Variants in CPEB1 observed in about 807,000 individuals in gnomAD.
CPEB1 encodes the protein cytoplasmic polyadenylation element-binding protein 1.
Under a neutral mutation model 65.8 loss-of-function variants are expected in CPEB1, and 7 were observed. The ratio of observed to expected loss-of-function variants is 0.11; its 90% CI spans 0.06 to 0.20. The LOEUF (loss-of-function observed/expected upper bound fraction) is 0.20, where lower values mean the gene tolerates loss of function less well. CPEB1 is among the 10% of genes least tolerant of loss of function. The pLI is 1.00. For missense variants in CPEB1, 551 were observed against 712.2 expected, an observed-to-expected ratio of 0.77 and a Z score of 2.58; for synonymous variants, 262 against 260.0, an observed-to-expected ratio of 1.01 and a Z score of -0.08.
intron 3 of CPEB1, among the ~76,000 whole-genome samples, chr15:82,618,137 A>G (rs1267209414): frequency 6.6e-6 from 1 of 152,048 alleles, no homozygotes; most frequent in East Asian, 1.9e-4. Flanking sequence ...TGGTAGGTAA[A>G]CATTTAACCT....
At chr15:82,552,396 C>A (rs1165433963) in intron 9 of CPEB1, 84 bp downstream of exon 9, 8 of 1,378,030 alleles carry the variant, frequency 5.8e-6, no homozygotes, top group Middle Eastern at 2.2e-4. Context: ...TTGCCTGCAG[C>A]CTGCCTATCC....
At chr15:82,546,971 A>G (rs1034944786) in intron 11 of CPEB1, among the ~76,000 whole-genome samples, 172 bp downstream of exon 11, 2 of 152,164 alleles carry the variant, frequency 1.3e-5, no homozygotes, top group African/African-American at 4.8e-5. Context: ...TGGGCGTACA[A>G]AGACCAAGCC....
At chr15:82,647,882 G>A, upstream of CPEB1, 1 of 1,247,452 alleles carries the variant, frequency 8.0e-7, no homozygotes, top group Non-Finnish European at 1.0e-6. Context: ...GGGCCGGTGT[G>A]GCCCTGCGGG....
chr15:82,630,792 G>C (rs1439209572), intron 1 of CPEB1, among the ~76,000 whole-genome samples: 1 of 152,148 alleles, frequency 6.6e-6, no homozygotes, highest in East Asian at 1.9e-4. Context: ...ATTATCAAAA[G>C]TGGTCCAGTG....
intron 1 of CPEB1, chr15:82,638,002 G>A (rs1416272712): frequency 1.1e-5 from 5 of 453,364 alleles, no homozygotes; most frequent in Admixed American, 4.7e-5. Flanking sequence ...TGACATTTTT[G>A]CAGATCTCTT....
At chr15:82,579,995 C>T (rs1483839577) in intron 3 of CPEB1, among the ~76,000 whole-genome samples, 1 of 130,146 alleles carries the variant, frequency 7.7e-6, no homozygotes, top group Non-Finnish European at 1.6e-5. Context: ...AGATAAAACT[C>T]AGCGGGAGAA....
At chr15:82,563,417 G>A (rs952302763) in intron 4 of CPEB1, among the ~76,000 whole-genome samples, 9 of 135,700 alleles carry the variant, frequency 6.6e-5, no homozygotes, top group African/African-American at 1.4e-4. Context: ...AGGCTAGAGC[G>A]CAGGTGCACA....
intron 3 of CPEB1, among the ~76,000 whole-genome samples, chr15:82,587,557 C>A (rs369031415): frequency 6.6e-6 from 1 of 152,066 alleles, no homozygotes; most frequent in African/African-American, 2.4e-5. Context: ...TTCAGAAATA[C>A]GGAGAGAACT....
At chr15:82,608,992 C>T (rs967239955) in intron 3 of CPEB1, among the ~76,000 whole-genome samples, 2 of 152,138 alleles carry the variant, frequency 1.3e-5, no homozygotes, top group Non-Finnish European at 2.9e-5. Flanking sequence ...ATACAAAGTA[C>T]ATTCTGCAAC....
intron 9 of CPEB1, 104 bp from the exon 10 acceptor site, chr15:82,549,762 G>T: frequency 9.0e-7 from 1 of 1,113,746 alleles, no homozygotes; most frequent in Non-Finnish European, 1.3e-6. Flanking sequence ...CTAAGCTAAC[G>T]CCCTTACAGG....
chr15:82,584,897 A>G (rs1357083193), intron 3 of CPEB1, among the ~76,000 whole-genome samples: 3 of 44,816 alleles, frequency 6.7e-5, no homozygotes, highest in African/African-American at 6.0e-4. Flanking sequence ...TTTTTTTCCT[A>G]ATTTGCTTTT....
At chr15:82,611,704 CA>C (rs1567220887) in intron 3 of CPEB1, among the ~76,000 whole-genome samples, 1 of 150,292 alleles carries the variant, frequency 6.7e-6, no homozygotes, top group African/African-American at 2.4e-5. Context: ...AATCACGTCT[CA>C]AAAAAAAGAA....
rs80348765 is a variant in CPEB1, at chr15:82,563,216, T to C, written c.461-5230A>G. ...TTAGAGCAGAAAGAGAAAAATGTTA[T>C]TAAGGATTTAAGGACATTACTGGGT... On this transcript the variant is annotated intron_variant, in intron 4 of 12. Coordinates refer to ENST00000684509, the MANE Select transcript of CPEB1 (RefSeq NM_001365242.1). Among the ~76,000 whole-genome samples, 177 of 152,292 alleles carry C rather than the reference T, an allele frequency of 1.2e-3. 3 individuals are homozygous for C. The East Asian group carries it at 0.029, about 25-fold the overall frequency.
At chr15:82,545,769 G>C (rs535057382) in intron 12 of CPEB1, among the ~76,000 whole-genome samples, 6 of 152,248 alleles carry the variant, frequency 3.9e-5, no homozygotes, top group Admixed American at 3.9e-4. Context: ...ATGTAAAGGA[G>C]GACGAGGCAT....
intron 3 of CPEB1, among the ~76,000 whole-genome samples, chr15:82,588,132 G>A (rs996824863): frequency 6.6e-6 from 1 of 150,702 alleles, no homozygotes; most frequent in East Asian, 1.9e-4. Flanking sequence ...TTTTTTTGTA[G>A]AAACAGGGTT....
chr15:82,550,538 T>C (rs2036053886), intron 9 of CPEB1, among the ~76,000 whole-genome samples: 1 of 152,076 alleles, frequency 6.6e-6, no homozygotes, highest in South Asian at 2.1e-4. Context: ...GCCTGGTAGG[T>C]GCTGGGCCTA....
chr15:82,582,449 G>C, intron 3 of CPEB1, among the ~76,000 whole-genome samples: 1 of 152,186 alleles, frequency 6.6e-6, no homozygotes, highest in East Asian at 1.9e-4. Flanking sequence ...CAAATTCCTC[G>C]CCATCCCGTC....
chr15:82,606,195 T>G (rs910813087), intron 3 of CPEB1, among the ~76,000 whole-genome samples: 1 of 151,296 alleles, frequency 6.6e-6, no homozygotes, highest in African/African-American at 2.4e-5. Flanking sequence ...CAGCTGGGCA[T>G]GGTGGCTCAC....
chr15:82,625,068 A>C (rs1452335757), intron 3 of CPEB1, among the ~76,000 whole-genome samples: 1 of 152,282 alleles, frequency 6.6e-6, no homozygotes, highest in African/African-American at 2.4e-5. Flanking sequence ...CCTGGCTTCA[A>C]GTGATCCACC....
Sources: gnomAD v4.1 joint callset for allele counts (sites outside exome capture counted in the v4.1 genomes callset) on GRCh38, gnomAD v4.1.1 for gene constraint, MANE v1.5 for transcripts, NCBI Gene and HGNC (gene_info 2026-07-23, HGNC 2026-07-21) for gene names.